The following CTNNA2 variants were observed in gnomAD, a reference collection of about 807,000 sequenced individuals.
CTNNA2 encodes catenin alpha 2, also known as catenin alpha-2.
A neutral mutation model predicts 101.0 loss-of-function variants in CTNNA2; 42 were observed. That is an observed-to-expected ratio of 0.42 (90% CI 0.32 to 0.54). The LOEUF (loss-of-function observed/expected upper bound fraction) is 0.54. CTNNA2 is among the 20% of genes least tolerant of loss of function. CTNNA2 has a pLI of 0.14. For synonymous variants in CTNNA2, 450 were observed against 456.4 expected, an observed-to-expected ratio of 0.99 and a Z score of 0.18; for missense variants, 871 against 1,223.1, an observed-to-expected ratio of 0.71 and a Z score of 4.29.
intron 1 of CTNNA2, among the ~76,000 whole-genome samples, chr2:79,569,669 T>C (rs1468573668): frequency 6.6e-6 from 1 of 152,192 alleles, no homozygotes; most frequent in African/African-American, 2.4e-5. Context: ...TTAAGTGTGG[T>C]ATTTGCACTG....
intron 1 of CTNNA2, among the ~76,000 whole-genome samples, chr2:79,591,183 A>G (rs1422864421): frequency 6.6e-6 from 1 of 152,228 alleles, no homozygotes; most frequent in Non-Finnish European, 1.5e-5. Context: ...GGTAATTTGA[A>G]TTTTCCCTGT....
intron 8 of CTNNA2, 109 bp from the exon 9 acceptor site, chr2:80,419,340 G>A: frequency 1.2e-6 from 1 of 810,834 alleles, no homozygotes; most frequent in East Asian, 2.6e-5. Context: ...AAGAAAATAG[G>A]AATATTATCT....
chr2:79,533,173 T>A (rs958932648), intron 1 of CTNNA2, among the ~76,000 whole-genome samples: 1 of 152,066 alleles, frequency 6.6e-6, no homozygotes, highest in African/African-American at 2.4e-5. Context: ...TATCCCTTTA[T>A]CTGTTCCCCA....
chr2:79,613,165 C>CA (rs34156526), intron 1 of CTNNA2, among the ~76,000 whole-genome samples: 105,345 of 144,458 alleles, frequency 0.73, 38,129 homozygotes, highest in Middle Eastern at 0.81. Context: ...ACGTTCAGAG[C>CA]AAAAAAAAAA....
At chr2:79,527,474 C>CAAAAAAAAAAAAAAAAA (rs58822666) in intron 1 of CTNNA2, among the ~76,000 whole-genome samples, 1 of 85,234 alleles carries the variant, frequency 1.2e-5, no homozygotes, top group Non-Finnish European at 2.5e-5. Flanking sequence ...ACTAAAAATA[C>CAAAAAAAAAAAAAAAAA]AAAAAAAAAA....
chr2:79,600,980 C>T (rs1441187429), intron 1 of CTNNA2, among the ~76,000 whole-genome samples: 1 of 152,152 alleles, frequency 6.6e-6, no homozygotes, highest in Admixed American at 6.5e-5. Context: ...TTGTGGGCTA[C>T]AATTTCAACC....
At chr2:79,504,492 AT>A (rs1233987792) in intron 4 of CTNNA2, among the ~76,000 whole-genome samples, 2 of 152,018 alleles carry the variant, frequency 1.3e-5, no homozygotes, top group Admixed American at 1.3e-4. Context: ...CTTTCACCAT[AT>A]TGACCAGGCT....
At chr2:79,668,762 C>T (rs946266394) in intron 2 of CTNNA2, among the ~76,000 whole-genome samples, 4 of 152,140 alleles carry the variant, frequency 2.6e-5, no homozygotes, top group Non-Finnish European at 5.9e-5. Flanking sequence ...CAGATGCAGC[C>T]ACAATCTGTA....
intron 11 of CTNNA2, among the ~76,000 whole-genome samples, chr2:80,549,533 TTG>T (rs1692381785): frequency 6.6e-6 from 1 of 152,222 alleles, no homozygotes; most frequent in African/African-American, 2.4e-5. Context: ...ATAAAATATG[TTG>T]CAATCAAATG....
intron 7 of CTNNA2, among the ~76,000 whole-genome samples, chr2:80,046,541 T>C (rs1004880257): frequency 3.3e-5 from 5 of 152,030 alleles, no homozygotes; most frequent in African/African-American, 1.2e-4. Context: ...GTTCAAACTT[T>C]TTTTACAGAA....
At chr2:79,218,349 G>GT (rs1479396115) in intron 2 of CTNNA2, among the ~76,000 whole-genome samples, 2 of 68,856 alleles carry the variant, frequency 2.9e-5, no homozygotes, top group Non-Finnish European at 6.3e-5. Context: ...GTGTGTGTGT[G>GT]TATTTTTTTT....
intron 7 of CTNNA2, among the ~76,000 whole-genome samples, chr2:80,145,139 G>C (rs993209226): frequency 6.6e-6 from 1 of 152,146 alleles, no homozygotes; most frequent in African/African-American, 2.4e-5. Flanking sequence ...GTTGACATAA[G>C]AAAATCTCCT....
chr2:79,499,970 A>G (rs151004950), intron 4 of CTNNA2, among the ~76,000 whole-genome samples: 3 of 152,328 alleles, frequency 2.0e-5, no homozygotes, highest in Admixed American at 6.5e-5. Context: ...TTTGAATGCC[A>G]TCTGTTGGAG....
chr2:79,421,336 A>G, intron 4 of CTNNA2, among the ~76,000 whole-genome samples: 1 of 152,200 alleles, frequency 6.6e-6, no homozygotes. Context: ...GCAGAGGGAG[A>G]CAAAGGAACT....
Position 80,546,004 on chromosome 2 carries a change from G to T in CTNNA2, c.1481G>T (p.Arg494Leu). 1 of 1,614,092 alleles carries T rather than the reference G, an allele frequency of 6.2e-7. No individual in the cohort carries two copies. Among genetic ancestry groups the T allele is most frequent in the Non-Finnish European group, 8.5e-7 (1 of 1,180,002 alleles). ...AAAGACCAGTGGGAGAAGCAGGTCC[G>T]AGTGTTGACAGAGGCCGTGGATGAC... ...VFKDQWEKQV[R>L]VLTEAVDDIT... The change falls in exon 11 of 19, where the codon CGA becomes CTA. Residue 494 changes from arginine to leucine, a missense_variant. Arg to Leu is a moderately radical substitution (Grantham distance 102). Transcript: ENST00000402739.
chr2:79,540,862 C>T (rs1332084704), intron 1 of CTNNA2, among the ~76,000 whole-genome samples: 1 of 152,092 alleles, frequency 6.6e-6, no homozygotes, highest in Non-Finnish European at 1.5e-5. Flanking sequence ...TTCCTACTTA[C>T]TGTAAGTTTG....
At chr2:79,922,530 T>C (rs1338302279) in intron 7 of CTNNA2, among the ~76,000 whole-genome samples, 6 of 152,152 alleles carry the variant, frequency 3.9e-5, no homozygotes, top group Non-Finnish European at 7.4e-5. Context: ...CATTGCCTTT[T>C]TTTTTCCACC....
Position 79,463,599 on chromosome 2 carries a change from T to A in CTNNA2, c.-134-41455T>A, listed in dbSNP as rs146109812. The stretch of plus-strand genomic sequence containing the variant: ...TCTTAAGTGAGCAGGACCATTCACC[T>A]TTCTTCTTGGCTCAACAATGTTGTA... On this transcript the variant is annotated intron_variant, in intron 4 of 21. Transcript: ENST00000466387. Among the ~76,000 whole-genome samples the A allele has an allele frequency of 1.7e-3, 257 of 152,292 alleles. 1 individual carries two copies. The highest frequency in any genetic ancestry group is 5.7e-3 in the African/African-American group (237 of 41,562).
intron 7 of CTNNA2, among the ~76,000 whole-genome samples, chr2:80,018,353 C>T (rs1400103617): frequency 2.6e-5 from 4 of 152,178 alleles, no homozygotes; most frequent in Non-Finnish European, 5.9e-5. Context: ...TTATCCCACT[C>T]ATCGTTTGCT....
Sources: gnomAD v4.1 joint callset for allele counts (sites outside exome capture counted in the v4.1 genomes callset) on GRCh38, gnomAD v4.1.1 for gene constraint, MANE v1.5 for transcripts, NCBI Gene and HGNC (gene_info 2026-07-23, HGNC 2026-07-21) for gene names.